HK1: variants seen among roughly 807,000 people sequenced by gnomAD.
The protein encoded by HK1 is hexokinase-1.
Under a neutral mutation model 91.6 loss-of-function variants are expected in HK1, and 28 were observed. The observed-to-expected ratio is 0.31, with a 90% CI of 0.23 to 0.42. HK1 has a LOEUF of 0.42. HK1 is among the 10% of genes least tolerant of loss of function. The pLI is 1.00. For missense variants in HK1, 770 were observed against 1,219.8 expected (o/e 0.63, Z 5.49); for synonymous variants, 430 against 468.1 (o/e 0.92, Z 1.05).
chr10:69,350,264 G>GT (rs1848776746), intron 2 of HK1, among the ~76,000 whole-genome samples: 1 of 152,206 alleles, frequency 6.6e-6, no homozygotes, highest in African/African-American at 2.4e-5. Context: ...CTGGAGTGGG[G>GT]ATTCAGCCCC....
At chr10:69,391,025 A>G (rs1422826938) in intron 14 of HK1, among the ~76,000 whole-genome samples, 1 of 152,228 alleles carries the variant, frequency 6.6e-6, no homozygotes, top group African/African-American at 2.4e-5. Flanking sequence ...TGGAACAGCA[A>G]ACAGTCGGTG....
At chr10:69,377,631 A>G (rs962849403) in intron 8 of HK1, among the ~76,000 whole-genome samples, 2 of 152,226 alleles carry the variant, frequency 1.3e-5, no homozygotes, top group African/African-American at 4.8e-5. Flanking sequence ...CCAGTTTACA[A>G]TATTATGGTA....
chr10:69,345,086 T>C (rs1848481401), intron 2 of HK1, among the ~76,000 whole-genome samples: 2 of 152,106 alleles, frequency 1.3e-5, no homozygotes, highest in Admixed American at 6.6e-5. Flanking sequence ...TCTTGAAAGA[T>C]GGGCAAGTGG....
intron 2 of HK1, among the ~76,000 whole-genome samples, chr10:69,283,696 G>C (rs1421704123): frequency 6.8e-6 from 1 of 146,962 alleles, no homozygotes; most frequent in Non-Finnish European, 1.5e-5. Context: ...GACGAGAATC[G>C]CTTGAACACA....
intron 5 of HK1, among the ~76,000 whole-genome samples, chr10:69,307,417 G>C: frequency 6.6e-6 from 1 of 152,170 alleles, no homozygotes. Flanking sequence ...CCACGCTTTA[G>C]GAATCTAAGC....
chr10:69,392,653 T>C (rs956725843), intron 15 of HK1, among the ~76,000 whole-genome samples: 2 of 152,250 alleles, frequency 1.3e-5, no homozygotes, highest in East Asian at 3.9e-4. Context: ...GGCAGGTTGG[T>C]GTGAAGCAGA....
rs116913114 is a variant in HK1 at position 69,347,899 on chromosome 10, T to G, written c.226+3910T>G. On this transcript the variant is annotated intron_variant, in intron 2 of 17. Coordinates refer to ENST00000359426, the MANE Select transcript of HK1 (RefSeq NM_000188.3). The stretch of plus-strand genomic sequence containing the variant: ...GAGAAAAGCATTTTCCAGCATCTGT[T>G]GATCTTTAAGGGCCTTTAGTTCAAA... Among the ~76,000 whole-genome samples the G allele has an allele frequency of 2.4e-3, 364 of 152,306 alleles. 17 individuals carry two copies. The East Asian group carries it at 0.054, about 23-fold the overall frequency.
intron 2 of HK1, chr10:69,288,577 C>A: frequency 1.4e-6 from 1 of 738,798 alleles, no homozygotes. Flanking sequence ...TCTTGGTTCT[C>A]AGTATTAGGG....
chr10:69,374,151 C>G (rs1372080418), intron 7 of HK1, among the ~76,000 whole-genome samples: 1 of 152,212 alleles, frequency 6.6e-6, no homozygotes. Flanking sequence ...TGTGGTTCTG[C>G]TGCTCCATGG....
chr10:69,366,759 T>C (rs1157732519), intron 4 of HK1, among the ~76,000 whole-genome samples: 3 of 152,232 alleles, frequency 2.0e-5, no homozygotes, highest in Non-Finnish European at 4.4e-5. Context: ...AGGCCTGTTT[T>C]CAGTACAAGT....
chr10:69,271,409 C>T (rs942654900), intron 1 of HK1, among the ~76,000 whole-genome samples: 1 of 151,630 alleles, frequency 6.6e-6, no homozygotes, highest in South Asian at 2.1e-4. Flanking sequence ...GTAATACATG[C>T]ATGTATTTAT....
chr10:69,360,844 T>G (rs1849383073), intron 3 of HK1, among the ~76,000 whole-genome samples: 1 of 152,182 alleles, frequency 6.6e-6, no homozygotes, highest in Non-Finnish European at 1.5e-5. Flanking sequence ...CAAGGTGCAC[T>G]CCTCCTCTCT....
At chr10:69,280,563 G>T (rs1844695611) in intron 1 of HK1, among the ~76,000 whole-genome samples, 1 of 152,206 alleles carries the variant, frequency 6.6e-6, no homozygotes, top group Non-Finnish European at 1.5e-5. Context: ...GTCTTTGGAG[G>T]TTATTAAGTC....
At chr10:69,373,809 C>T (rs77684586) in intron 7 of HK1, among the ~76,000 whole-genome samples, 2 of 151,846 alleles carry the variant, frequency 1.3e-5, no homozygotes, top group South Asian at 2.1e-4. Flanking sequence ...CAGCTGGTCT[C>T]GAACTCCTGG....
chr10:69,318,111 C>T (rs994699211), upstream of HK1: 12 of 985,316 alleles, frequency 1.2e-5, no homozygotes, highest in African/African-American at 3.5e-5. Flanking sequence ...GGAGAGCCAC[C>T]GGAGCTGGTG....
chr10:69,327,068 G>T (rs951266854), intron 1 of HK1, among the ~76,000 whole-genome samples: 1 of 147,870 alleles, frequency 6.8e-6, no homozygotes, highest in African/African-American at 2.5e-5. Flanking sequence ...GCAGTGGCAC[G>T]GTCTCAGCTC....
intron 2 of HK1, among the ~76,000 whole-genome samples, chr10:69,355,576 G>A (rs560385191): frequency 4.6e-5 from 7 of 151,962 alleles, no homozygotes; most frequent in Non-Finnish European, 1.0e-4. Flanking sequence ...GATCACCTGA[G>A]GTCAGGAGTT....
At chr10:69,272,274 A>G (rs561851670) in intron 1 of HK1, among the ~76,000 whole-genome samples, 2 of 152,244 alleles carry the variant, frequency 1.3e-5, no homozygotes, top group African/African-American at 4.8e-5. Context: ...GTTACAGACT[A>G]TCAGAAATTA....
intron 1 of HK1, among the ~76,000 whole-genome samples, chr10:69,320,577 G>A (rs1425391251): frequency 6.6e-6 from 1 of 152,160 alleles, no homozygotes; most frequent in Non-Finnish European, 1.5e-5. Flanking sequence ...GGACCAGGGA[G>A]ACAGTTCTCC....
Sources: allele counts gnomAD v4.1 joint callset (sites outside exome capture counted in the v4.1 genomes callset), GRCh38; gene constraint gnomAD v4.1.1; transcripts MANE v1.5; gene names NCBI Gene and HGNC (gene_info 2026-07-23, HGNC 2026-07-21).